The following DMWD variants were observed in gnomAD, a reference collection of about 807,000 sequenced individuals.
The protein encoded by DMWD is DM1 locus, WD repeat containing.
Under a neutral mutation model 45.8 loss-of-function variants are expected in DMWD, and 19 were observed. The ratio of observed to expected loss-of-function variants is 0.41; its 90% CI spans 0.29 to 0.61. DMWD has a LOEUF of 0.61. DMWD is among the 20% of genes least tolerant of loss of function. The pLI is 0.25. For synonymous variants in DMWD, 515 were observed against 440.5 expected (o/e 1.17, Z -2.12); for missense variants, 802 against 965.2 (o/e 0.83, Z 2.24).
chr19:45,788,176 C>G (rs1295510226), intron 2 of DMWD, among the ~76,000 whole-genome samples: 1 of 152,242 alleles, frequency 6.6e-6, no homozygotes, highest in Non-Finnish European at 1.5e-5. Context: ...TGGCCTCAGG[C>G]TCCAATGCCT....
At position 45,783,831 on chromosome 19, in the gene DMWD, G is replaced by A. The variant is rs1970220963; in HGVS notation, c.*412C>T. On this transcript the variant is annotated 3_prime_UTR_variant, in exon 5 of 5. Transcript: ENST00000270223. ...ACACTCTTCAAAAGCACAGACAATA[G>A]CAAGGGCAGCTGGGGTGGGGGCCGG... 4.3e-6 allele frequency: 2 copies of A among 466,488 alleles called. No homozygotes were observed. Among genetic ancestry groups the A allele is most frequent in the Non-Finnish European group, 3.7e-6 (1 of 268,156 alleles). 28.9% of individuals were successfully genotyped at this position (466,488 alleles called of 1,614,324 possible).
Position 45,786,028 on chromosome 19 carries a change from G to A in DMWD, c.1468C>T (p.Leu490=), listed in dbSNP as rs188928408. The A allele has an allele frequency of 3.6e-4, 551 of 1,544,604 alleles. 2 individuals are homozygous for A. The African/African-American group carries it at 6.9e-3, about 19-fold the overall frequency. Reference sequence around the variant, plus strand: ...TGCGGGAGACTGTTGGAGCGGGACAGCGAGCGAGGCAGGGGGCCTGGGCCA... The same window carrying A: ...TGCGGGAGACTGTTGGAGCGGGACAACGAGCGAGGCAGGGGGCCTGGGCCA... The part of the protein sequence containing the change: ...EPGPGPLPRS[L]SRSNSLPHPA... The change falls in exon 3 of 5, where the codon CTG becomes TTG. Residue 490 remains leucine (L), a synonymous_variant. Transcript: ENST00000270223.
In DMWD at chr19:45,786,518, A is replaced by G; in HGVS notation, c.978T>C (p.Phe326=). Residue 326 remains phenylalanine, a synonymous_variant, in exon 3 of 5, where the codon TTT becomes TTC. Coordinates refer to ENST00000270223, the MANE Select transcript of DMWD (RefSeq NM_004943.2). ...TCCAGCACACACACAGCAGGCCCCCAAAGTAGCTCTTCATGAGCCCACGCA... is the reference window on the plus strand; with the variant it reads ...TCCAGCACACACACAGCAGGCCCCCGAAGTAGCTCTTCATGAGCCCACGCA... ...MLLRGLMKSY[F]GGLLCVCWSP... 2 of 1,613,968 alleles carry G rather than the reference A, an allele frequency of 1.2e-6. No individual in the cohort carries two copies. Among genetic ancestry groups the G allele is most frequent in the Non-Finnish European group, 1.7e-6 (2 of 1,179,912 alleles).
At chr19:45,788,347 C>T (rs1970309994) in intron 2 of DMWD, among the ~76,000 whole-genome samples, 1 of 152,222 alleles carries the variant, frequency 6.6e-6, no homozygotes, top group Non-Finnish European at 1.5e-5. Context: ...AACTAAGGAG[C>T]TGCTCTCCCA....
At chr19:45,790,647 C>T (rs899030368) in intron 2 of DMWD, 10 of 299,934 alleles carry the variant, frequency 3.3e-5, no homozygotes, top group African/African-American at 1.9e-4. Flanking sequence ...GGTGAGACTC[C>T]ATCTCAAAAT....
chr19:45,792,742 G>A lies in DMWD; in HGVS notation c.15C>T (p.Gly5=), dbSNP rs1268261526. 1.4e-5 allele frequency: 16 copies of A among 1,140,676 alleles called. No individual in the cohort carries two copies. The highest frequency in any genetic ancestry group is 1.6e-5 in the Non-Finnish European group (15 of 927,696). The allele number at this position is 1,140,676 out of a possible 1,614,324, so 70.7% of individuals were successfully genotyped here. A position where few individuals can be genotyped will look rare whatever the true frequency, so the allele number is the denominator to read the frequency against. Reference sequence around the variant, plus strand: ...CGCCGGGGCCCGAGCCGCCCTCCGCGCCGCCCGCCGCCATCTTGGGCGCCC... The same window carrying A: ...CGCCGGGGCCCGAGCCGCCCTCCGCACCGCCCGCCGCCATCTTGGGCGCCC... The part of the protein sequence containing the change: MAAG[G]AEGGSGPGAA... Residue 5 remains glycine (G), a synonymous_variant, in exon 1 of 5, where the codon GGC becomes GGT. Coordinates refer to ENST00000270223, the MANE Select transcript of DMWD (RefSeq NM_004943.2).
chr19:45,791,195 G>A (rs896711702), intron 1 of DMWD, 108 bp from the exon 2 acceptor site: 1 of 1,178,770 alleles, frequency 8.5e-7, no homozygotes, highest in African/African-American at 1.5e-5. Flanking sequence ...AGAACCCAGA[G>A]GGAAGTGGGG....
chr19:45,786,639 G>T lies in DMWD; in HGVS notation c.857C>A (p.Pro286His). The change falls in exon 3 of 5, where the codon CCC (proline) becomes CAC (histidine). Residue 286 changes from proline to histidine, a missense_variant. Coordinates refer to ENST00000270223, the MANE Select transcript of DMWD (RefSeq NM_004943.2). The part of the protein sequence containing the change: ...PLAKWAVGEG[P>H]LNEFAFSPDG... ...GGGCGAGAAGGCGAACTCGTTGAGG[G>T]GCCCCTCACCCACCGCCCACTTGGC... 6.2e-7 allele frequency: 1 copy of T among 1,612,750 alleles called. No homozygotes were observed. The highest frequency in any genetic ancestry group is 8.5e-7 in the Non-Finnish European group (1 of 1,179,128).
intron 2 of DMWD, among the ~76,000 whole-genome samples, chr19:45,790,411 TG>T (rs1970341298): frequency 2.7e-5 from 4 of 149,708 alleles, no homozygotes; most frequent in African/African-American, 9.8e-5. Context: ...CCCACCACTT[TG>T]GGAGGCCGAG....
chr19:45,790,578 G>A (rs1416141733), intron 2 of DMWD: 1 of 169,950 alleles, frequency 5.9e-6, no homozygotes, highest in Non-Finnish European at 1.3e-5. Flanking sequence ...GCATGAACCC[G>A]GGAGGTGGAT....
At chr19:45,787,422 C>T (rs191962288) in intron 2 of DMWD, among the ~76,000 whole-genome samples, 95 of 152,266 alleles carry the variant, frequency 6.2e-4, no homozygotes, top group Non-Finnish European at 1.2e-3. Flanking sequence ...ACGGTTTCAT[C>T]CCAAAACCAT....
Position 45,784,679 on chromosome 19 carries a change from C to T in DMWD, c.1939G>A (p.Gly647Arg). The change falls in exon 4 of 5, where the codon GGA (glycine) becomes AGA (arginine). Residue 647 changes from glycine (G) to arginine (R), a missense_variant. Physicochemically the swap from Gly to Arg is moderately radical, Grantham distance 125. Coordinates refer to ENST00000270223, the MANE Select transcript of DMWD (RefSeq NM_004943.2). Reference sequence around the variant, plus strand: ...TTGCTGGGTGACCTGGGCCAACTTCCTTCCCCTGTCTGGGCCTCGGTCTCC... The same window carrying T: ...TTGCTGGGTGACCTGGGCCAACTTCTTTCCCCTGTCTGGGCCTCGGTCTCC... ...DEETEAQTGE[G>R]SWPRSPSKSV... is the part of the protein sequence containing the mutation. 6.2e-7 allele frequency: 1 copy of T among 1,613,714 alleles called. No homozygotes were observed. Among genetic ancestry groups the T allele is most frequent in the Non-Finnish European group, 8.5e-7 (1 of 1,179,684 alleles).
In DMWD at chr19:45,786,175, A is replaced by T; in HGVS notation, c.1321T>A (p.Cys441Ser). The T allele has an allele frequency of 1.9e-6, 3 of 1,600,108 alleles. No individual in the cohort carries two copies. Among genetic ancestry groups the T allele is most frequent in the Non-Finnish European group, 1.7e-6 (2 of 1,173,926 alleles). The change falls in exon 3 of 5, where the codon TGC becomes AGC. Residue 441 changes from cysteine to serine, a missense_variant. By Grantham distance (112) the Cys-to-Ser change is moderately radical. Transcript: ENST00000270223. ...ACGTCTTCAGTGAGGTCCCACAGGC[A>T]GAACTGCGTGTCCTGGCCCGCCGAG... ...FGSAGQDTQF[C>S]LWDLTEDVLY...
At chr19:45,787,657 G>A (rs969191459) in intron 2 of DMWD, among the ~76,000 whole-genome samples, 19 of 152,192 alleles carry the variant, frequency 1.2e-4, no homozygotes, top group Non-Finnish European at 4.4e-5. Flanking sequence ...GGTAATTCCT[G>A]GACAAATGAG....
Position 45,792,321 on chromosome 19 carries a change from G to A in DMWD, c.436C>T (p.Gln146Ter). Residue 146 changes from glutamine to a stop codon, truncating the protein, a stop_gained, in exon 1 of 5, where the codon CAA (glutamine) becomes TAA (stop). Coordinates refer to ENST00000270223, the MANE Select transcript of DMWD (RefSeq NM_004943.2). LOFTEE classifies it high-confidence loss of function. ...FYPGCCRRGS[Q>*]RSIDLNKPID... ...CCACGATGCAGGCCGCTCACCCGTTGGCTCCCACGACGACAGCAGCCTGGG... is the reference window on the plus strand; with the variant it reads ...CCACGATGCAGGCCGCTCACCCGTTAGCTCCCACGACGACAGCAGCCTGGG... 3.1e-6 allele frequency: 5 copies of A among 1,606,756 alleles called. No individual in the cohort carries two copies. The highest frequency in any genetic ancestry group is 4.3e-6 in the Non-Finnish European group (5 of 1,176,312).
chr19:45,786,717 C>G lies in DMWD; in HGVS notation c.779G>C (p.Gly260Ala). The G allele has an allele frequency of 6.2e-7, 1 of 1,612,946 alleles. No individual in the cohort carries two copies. Among genetic ancestry groups the G allele is most frequent in the Non-Finnish European group, 8.5e-7 (1 of 1,179,120 alleles). The change falls in exon 3 of 5, where the codon GGC becomes GCC. Residue 260 changes from glycine to alanine, a missense_variant. Gly to Ala is a moderately conservative substitution (Grantham distance 60). Around this residue, in one of 9 missense-constraint regions of DMWD, gnomAD observed 146 missense variants for 212.8 expected, o/e 0.69. Coordinates refer to ENST00000270223, the MANE Select transcript of DMWD (RefSeq NM_004943.2). ...APPQYSLLKQ[G>A]EGFSVYAAKS... ...GGCAGCATAGACAGAGAAGCCCTCG[C>G]CCTGCTTCAGCAGGCTGTACTGGGG...
rs1396808533 is a variant in DMWD, at chr19:45,783,336, G to A, written c.*907C>T. 12 of 378,774 alleles carry A rather than the reference G, an allele frequency of 3.2e-5. No homozygotes were observed. Among genetic ancestry groups the A allele is most frequent in the Non-Finnish European group, 4.7e-5 (10 of 213,984 alleles). 23.5% of individuals were successfully genotyped at this position (378,774 alleles called of 1,614,324 possible). On this transcript the variant is annotated 3_prime_UTR_variant, in exon 5 of 5. Coordinates refer to ENST00000270223, the MANE Select transcript of DMWD (RefSeq NM_004943.2). The stretch of plus-strand genomic sequence containing the variant: ...AGAGTGGAAGTCGGGGCCTCCAACC[G>A]GCCTGGGGTGCCTGGGCCTTGAGAG...
intron 2 of DMWD, chr19:45,789,445 C>T (rs1194522130): frequency 6.6e-6 from 1 of 152,228 alleles, no homozygotes; most frequent in Non-Finnish European, 1.5e-5. Flanking sequence ...CCAAGTTGGC[C>T]CAGGACTGAG....
At position 45,785,774 on chromosome 19, in the gene DMWD, G is replaced by A. The variant is rs760124669; in HGVS notation, c.1722C>T (p.Asp574=). The A allele has an allele frequency of 6.2e-6, 10 of 1,611,598 alleles. No individual in the cohort carries two copies. The highest frequency in any genetic ancestry group is 1.1e-5 in the South Asian group (1 of 90,886). ...PSGPVPRSRL[D]PAKVLGTALC... is the part of the protein sequence containing the mutation. ...GCGCAGTGCCCAGCACCTTGGCGGG[G>A]TCCAGGCGGCTGCGGGGAACAGGGC... The change falls in exon 3 of 5, where the codon GAC becomes GAT. Residue 574 remains aspartate (D), a synonymous_variant. Coordinates refer to ENST00000270223, the MANE Select transcript of DMWD (RefSeq NM_004943.2).
Sources: allele counts gnomAD v4.1 joint callset (sites outside exome capture counted in the v4.1 genomes callset), GRCh38; gene constraint gnomAD v4.1.1; regional missense constraint gnomAD v4.1.1; transcripts MANE v1.5; gene names NCBI Gene and HGNC (gene_info 2026-07-23, HGNC 2026-07-21).